The following NUP37 variants were observed in gnomAD, a reference collection of about 807,000 sequenced individuals.
The protein encoded by NUP37 is nucleoporin Nup37.
NUP37 carries 33 observed loss-of-function variants against 45.4 expected under a neutral mutation model. That is an observed-to-expected ratio of 0.73 (90% CI 0.55 to 0.97). The LOEUF is 0.97. Among genes scored for constraint, NUP37 ranks in the 50% least tolerant of loss-of-function variants. The pLI is 0.00. For missense variants in NUP37, 365 were observed against 389.7 expected (o/e 0.94, Z 0.53); for synonymous variants, 127 against 130.7 (o/e 0.97, Z 0.19).
chr12:102,113,807 C>A (rs1482044757), intron 2 of NUP37, among the ~76,000 whole-genome samples: 43 of 152,142 alleles, frequency 2.8e-4, no homozygotes, highest in Admixed American at 2.8e-3. Flanking sequence ...ATTCCATTCA[C>A]CCAGAATCTA....
intron 4 of NUP37, 70 bp from the exon 5 acceptor site, chr12:102,099,270 T>C: frequency 9.1e-7 from 1 of 1,101,176 alleles, no homozygotes. Flanking sequence ...CTACATAATA[T>C]TTTTGCTTCA....
At chr12:102,105,770 G>T (rs1039018483) in intron 3 of NUP37, among the ~76,000 whole-genome samples, 5 of 149,890 alleles carry the variant, frequency 3.3e-5, no homozygotes, top group African/African-American at 1.2e-4. Context: ...CTGAGGCAGG[G>T]AGAATCACTT....
intron 1 of NUP37, chr12:102,119,095 T>A (rs964494902): frequency 6.6e-6 from 1 of 152,322 alleles, no homozygotes. Context: ...CTTCATTGTG[T>A]GTGGAGAACC....
intron 3 of NUP37, among the ~76,000 whole-genome samples, chr12:102,110,571 T>A (rs1007057571): frequency 1.3e-5 from 2 of 149,712 alleles, no homozygotes; most frequent in Admixed American, 6.6e-5. Context: ...AGGCCAGGTA[T>A]GGTGGCTCAT....
intron 3 of NUP37, among the ~76,000 whole-genome samples, chr12:102,105,435 T>C (rs537144160): frequency 1.3e-4 from 19 of 151,492 alleles, no homozygotes; most frequent in African/African-American, 4.6e-4. Flanking sequence ...GAGACTGAGG[T>C]AGGAAAATCT....
intron 4 of NUP37, among the ~76,000 whole-genome samples, chr12:102,099,826 T>A (rs1360687750): frequency 1.3e-5 from 2 of 152,210 alleles, no homozygotes; most frequent in Non-Finnish European, 2.9e-5. Flanking sequence ...TAAATCTTCA[T>A]AGTTGAAATC....
At chr12:102,083,795 A>C (rs560835120) in intron 6 of NUP37, among the ~76,000 whole-genome samples, 2 of 152,310 alleles carry the variant, frequency 1.3e-5, no homozygotes, top group Admixed American at 1.3e-4. Context: ...TAAAAATCAA[A>C]CTAGCAGTTT....
intron 5 of NUP37, among the ~76,000 whole-genome samples, chr12:102,091,551 G>C (rs1879656412): frequency 6.6e-6 from 1 of 151,796 alleles, no homozygotes; most frequent in Non-Finnish European, 1.5e-5. Context: ...TAATTACCTT[G>C]GCCAAAACCT....
At chr12:102,098,818 C>T (rs943525121) in intron 5 of NUP37, among the ~76,000 whole-genome samples, 8 of 152,172 alleles carry the variant, frequency 5.3e-5, no homozygotes, top group African/African-American at 1.9e-4. Context: ...AGGCATGTGG[C>T]ACTGTGCCCA....
intron 2 of NUP37, among the ~76,000 whole-genome samples, chr12:102,112,755 C>T (rs933433586): frequency 2.6e-5 from 4 of 152,194 alleles, no homozygotes; most frequent in African/African-American, 9.7e-5. Flanking sequence ...TACATTCTCA[C>T]TACATGGAAA....
chr12:102,103,154 T>C (rs551793639), intron 3 of NUP37, among the ~76,000 whole-genome samples: 30 of 152,282 alleles, frequency 2.0e-4, no homozygotes, highest in African/African-American at 6.0e-4. Flanking sequence ...TTTTGATAGA[T>C]AGGCATTGCA....
At chr12:102,081,711 A>G (rs1220800820) in intron 6 of NUP37, among the ~76,000 whole-genome samples, 1 of 151,934 alleles carries the variant, frequency 6.6e-6, no homozygotes, top group Non-Finnish European at 1.5e-5. Context: ...TATTTCATTT[A>G]GCTATTTTTT....
At chr12:102,105,191 T>C (rs1565835328) in intron 3 of NUP37, among the ~76,000 whole-genome samples, 1 of 152,218 alleles carries the variant, frequency 6.6e-6, no homozygotes, top group Non-Finnish European at 1.5e-5. Context: ...GTGCACTACA[T>C]TAGCATTTAT....
intron 2 of NUP37, chr12:102,115,732 G>T (rs1156471874): frequency 1.6e-6 from 1 of 638,448 alleles, no homozygotes; most frequent in Non-Finnish European, 1.9e-6. Flanking sequence ...TATCTACAAC[G>T]TTTTCTAAAC....
chr12:102,096,985 T>A (rs1245432379), intron 5 of NUP37, among the ~76,000 whole-genome samples: 1 of 149,738 alleles, frequency 6.7e-6, no homozygotes, highest in Non-Finnish European at 1.5e-5. Context: ...TTTACAGAAA[T>A]AAGCATAAAT....
At position 102,101,113 on chromosome 12, in the gene NUP37, A is replaced by C. The variant is rs1879960059; in HGVS notation, c.282-9T>G. 1 of 1,529,026 alleles carries C rather than the reference A, an allele frequency of 6.5e-7. No individual in the cohort carries two copies. Among genetic ancestry groups the C allele is most frequent in the South Asian group, 1.2e-5 (1 of 81,238 alleles). 94.7% of individuals were successfully genotyped at this position (1,529,026 alleles called of 1,614,324 possible). Reference sequence around the variant, plus strand: ...CAGCTGAAGTACAAAATCTGGAAGCAAAAAAACAAAAATATACCAATTTTT... The same window carrying C: ...CAGCTGAAGTACAAAATCTGGAAGCCAAAAAACAAAAATATACCAATTTTT... On this transcript the variant is annotated splice_polypyrimidine_tract_variant and intron_variant, in intron 3 of 9. Transcript: ENST00000552283.
At chr12:102,078,438 T>C (rs1483164739) in intron 6 of NUP37, among the ~76,000 whole-genome samples, 1 of 151,488 alleles carries the variant, frequency 6.6e-6, no homozygotes, top group African/African-American at 2.4e-5. Context: ...TACTTTTAAG[T>C]TATGTTAGTT....
intron 3 of NUP37, among the ~76,000 whole-genome samples, chr12:102,102,473 G>A (rs1880000706): frequency 6.6e-6 from 1 of 152,182 alleles, no homozygotes; most frequent in South Asian, 2.1e-4. Context: ...TTGTGATTGA[G>A]TAATTTGAGT....
chr12:102,113,653 A>G (rs540571558), intron 2 of NUP37, among the ~76,000 whole-genome samples: 22 of 152,312 alleles, frequency 1.4e-4, no homozygotes, highest in Admixed American at 1.2e-3. Flanking sequence ...TGTCCAAGGA[A>G]TCTTCTGTGC....
Sources: gnomAD v4.1 joint callset for allele counts (sites outside exome capture counted in the v4.1 genomes callset) on GRCh38, gnomAD v4.1.1 for gene constraint, MANE v1.5 for transcripts, NCBI Gene and HGNC (gene_info 2026-07-23, HGNC 2026-07-21) for gene names.